MAPKAP1: variants seen among roughly 807,000 people sequenced by gnomAD.
MAPKAP1 encodes the protein target of rapamycin complex 2 subunit MAPKAP1.
MAPKAP1 carries 20 observed loss-of-function variants against 65.7 expected under a neutral mutation model. That is an observed-to-expected ratio of 0.30 (90% confidence interval 0.21 to 0.44). The LOEUF is 0.44. Ranked by LOEUF, MAPKAP1 falls within the 20% of genes least tolerant of loss-of-function variation. The pLI, the probability that MAPKAP1 is intolerant of heterozygous loss-of-function variation, is 1.00. For synonymous variants in MAPKAP1, 222 were observed against 244.3 expected (o/e 0.91, Z 0.85); for missense variants, 423 against 648.0 (o/e 0.65, Z 3.77).
intron 4 of MAPKAP1, among the ~76,000 whole-genome samples, chr9:125,589,265 A>AATT (rs1831881506): frequency 6.6e-6 from 1 of 152,192 alleles, no homozygotes. Context: ...CATCTCCTTC[A>AATT]GAGCGCTTAA....
At chr9:125,648,726 T>C (rs943232020) in intron 4 of MAPKAP1, among the ~76,000 whole-genome samples, 2 of 152,042 alleles carry the variant, frequency 1.3e-5, no homozygotes, top group Non-Finnish European at 2.9e-5. Context: ...GCGGATTACC[T>C]GGTCAGGAGT....
chr9:125,493,996 C>T (rs1854837894), intron 8 of MAPKAP1, among the ~76,000 whole-genome samples: 4 of 152,144 alleles, frequency 2.6e-5, no homozygotes, highest in Non-Finnish European at 5.9e-5. Flanking sequence ...ACTCCATGGG[C>T]TGTAATGGTA....
At chr9:125,635,546 C>G (rs1833399859) in intron 4 of MAPKAP1, among the ~76,000 whole-genome samples, 2 of 152,216 alleles carry the variant, frequency 1.3e-5, no homozygotes, top group South Asian at 4.1e-4. Flanking sequence ...GTTCATGAAG[C>G]AGCCCTGTCT....
chr9:125,669,776 T>C (rs1834444350), intron 3 of MAPKAP1, 42 bp downstream of exon 3: 2 of 1,045,058 alleles, frequency 1.9e-6, no homozygotes, highest in African/African-American at 3.3e-5. Flanking sequence ...ATAAACTAAA[T>C]ATATAAATCT....
At chr9:125,555,343 G>A (rs949089536) in intron 6 of MAPKAP1, among the ~76,000 whole-genome samples, 7 of 152,202 alleles carry the variant, frequency 4.6e-5, no homozygotes, top group Non-Finnish European at 8.8e-5. Flanking sequence ...TGAAGAAACT[G>A]AGACTTAACA....
chr9:125,561,161 T>A (rs1478493028), intron 5 of MAPKAP1, among the ~76,000 whole-genome samples: 3 of 152,226 alleles, frequency 2.0e-5, no homozygotes, highest in Non-Finnish European at 4.4e-5. Context: ...TCTATATAGA[T>A]CATTTTTTGA....
chr9:125,628,355 C>T (rs1266429669), intron 4 of MAPKAP1, among the ~76,000 whole-genome samples: 2 of 152,152 alleles, frequency 1.3e-5, no homozygotes, highest in South Asian at 2.1e-4. Flanking sequence ...AAATAAAATG[C>T]TTCACTATGC....
chr9:125,458,424 G>A (rs1038779522), intron 10 of MAPKAP1, among the ~76,000 whole-genome samples: 1 of 151,834 alleles, frequency 6.6e-6, no homozygotes, highest in Non-Finnish European at 1.5e-5. Flanking sequence ...GACTCTTAAC[G>A]AGCATGCTGC....
intron 4 of MAPKAP1, among the ~76,000 whole-genome samples, chr9:125,622,532 G>GC (rs1367685083): frequency 6.7e-5 from 10 of 149,678 alleles, no homozygotes; most frequent in East Asian, 2.0e-4. Flanking sequence ...TGCAACCTCT[G>GC]CCCCCCGGAT....
At chr9:125,533,170 A>T (rs1380053178) in intron 7 of MAPKAP1, among the ~76,000 whole-genome samples, 2 of 152,214 alleles carry the variant, frequency 1.3e-5, no homozygotes, top group African/African-American at 2.4e-5. Context: ...AGCACATCTT[A>T]AAAATGGTAT....
intron 4 of MAPKAP1, among the ~76,000 whole-genome samples, chr9:125,621,023 G>C (rs1832881620): frequency 6.6e-6 from 1 of 152,126 alleles, no homozygotes; most frequent in Admixed American, 6.5e-5. Context: ...TTTAATCCCA[G>C]TACTTTGGGA....
chr9:125,614,690 T>C (rs1385981928), intron 4 of MAPKAP1, among the ~76,000 whole-genome samples: 1 of 152,210 alleles, frequency 6.6e-6, no homozygotes, highest in Non-Finnish European at 1.5e-5. Flanking sequence ...GTAGTATAGG[T>C]AAATTCAGTA....
At chr9:125,492,750 A>T (rs1230574864) in intron 8 of MAPKAP1, among the ~76,000 whole-genome samples, 1 of 152,226 alleles carries the variant, frequency 6.6e-6, no homozygotes, top group East Asian at 1.9e-4. Context: ...AATTAAAGCA[A>T]CTTCAGTGTC....
intron 4 of MAPKAP1, among the ~76,000 whole-genome samples, chr9:125,590,574 T>C (rs1455408999): frequency 6.6e-6 from 1 of 151,004 alleles, no homozygotes; most frequent in Non-Finnish European, 1.5e-5. Flanking sequence ...TGCTTGCAAC[T>C]GGGAGGCAGA....
intron 7 of MAPKAP1, among the ~76,000 whole-genome samples, chr9:125,538,818 T>G (rs1589268502): frequency 6.6e-6 from 1 of 152,164 alleles, no homozygotes; most frequent in Non-Finnish European, 1.5e-5. Flanking sequence ...TCCTTAGGTC[T>G]GACACAGGGG....
chr9:125,478,236 C>G (rs1338445716), intron 9 of MAPKAP1: 2 of 152,230 alleles, frequency 1.3e-5, no homozygotes, highest in East Asian at 3.9e-4. Context: ...TCTCCAGATA[C>G]TAGGGGCGGG....
chr9:125,488,996 A>G (rs11794506), intron 8 of MAPKAP1, among the ~76,000 whole-genome samples: 98,334 of 152,058 alleles, frequency 0.65, 32,167 homozygotes, highest in Middle Eastern at 0.72. Flanking sequence ...GTATCTTTCC[A>G]GAAAGGAGTG....
chr9:125,494,044 C>T (rs1320525095), intron 8 of MAPKAP1, among the ~76,000 whole-genome samples: 1 of 152,136 alleles, frequency 6.6e-6, no homozygotes, highest in Non-Finnish European at 1.5e-5. Context: ...CATGCCAGAG[C>T]AAAGGAATCA....
At chr9:125,622,973 G>A (rs1053595194) in intron 4 of MAPKAP1, among the ~76,000 whole-genome samples, 2 of 152,100 alleles carry the variant, frequency 1.3e-5, no homozygotes, top group African/African-American at 4.8e-5. Flanking sequence ...CACCTGATTG[G>A]TTTTGGTGGA....
Sources: gnomAD v4.1 joint callset for allele counts (sites outside exome capture counted in the v4.1 genomes callset) on GRCh38, gnomAD v4.1.1 for gene constraint, MANE v1.5 for transcripts, NCBI Gene and HGNC (gene_info 2026-07-23, HGNC 2026-07-21) for gene names.